Variants in CENPK observed in about 807,000 individuals in gnomAD.
The protein encoded by CENPK is centromere protein K.
A neutral mutation model predicts 40.9 loss-of-function variants in CENPK; 46 were observed. The observed-to-expected ratio is 1.13, with a 90% CI of 0.89 to 1.44. CENPK has a LOEUF of 1.44. CENPK is among the 40% of genes most tolerant of loss of function. The probability of loss-of-function intolerance (pLI) is 0.00; values close to 1 mark genes in which losing one functional copy is unlikely to be tolerated. For synonymous variants in CENPK, 107 were observed against 104.4 expected, an observed-to-expected ratio of 1.02 and a Z score of -0.15; for missense variants, 288 against 303.5, an observed-to-expected ratio of 0.95 and a Z score of 0.38.
the CENPK span, among the ~76,000 whole-genome samples, chr5:65,508,900 AC>A: frequency 1.3e-5 from 2 of 152,166 alleles, no homozygotes. Flanking sequence ...TATGAAAGAA[AC>A]CATTAATAAA....
At chr5:65,521,693 C>A (rs565305778) in intron 9 of CENPK, among the ~76,000 whole-genome samples, 165 bp from the exon 10 acceptor site, 1 of 152,108 alleles carries the variant, frequency 6.6e-6, no homozygotes, top group Non-Finnish European at 1.5e-5. Flanking sequence ...CTCCGCCTCC[C>A]GGATTCAAGT....
Position 65,529,189 on chromosome 5 carries a change from A to C in CENPK, c.299T>G (p.Leu100Arg). The change falls in exon 7 of 11, where the codon CTG (leucine) becomes CGG (arginine). Residue 100 changes from leucine to arginine, a missense_variant. Physicochemically the swap from Leu to Arg is moderately radical, Grantham distance 102. Coordinates refer to ENST00000396679, the MANE Select transcript of CENPK (RefSeq NM_022145.5). ...ITLGKEEFQK[L>R]RQDLEMVLST... ...CAGTACCATTTCAAGATCTTGTCTCAGCTTTTGGAACTAGAATAAAATAAT... is the reference window on the plus strand; with the variant it reads ...CAGTACCATTTCAAGATCTTGTCTCCGCTTTTGGAACTAGAATAAAATAAT... 1 of 1,602,942 alleles carries C rather than the reference A, an allele frequency of 6.2e-7. No homozygotes were observed. The highest frequency in any genetic ancestry group is 8.5e-7 in the Non-Finnish European group (1 of 1,172,648).
At chr5:65,505,105 A>G in the CENPK span, among the ~76,000 whole-genome samples, 1 of 151,556 alleles carries the variant, frequency 6.6e-6, no homozygotes, top group Non-Finnish European at 1.5e-5. Flanking sequence ...TTTTTTTTTT[A>G]ATTTTTATTT....
the CENPK span, among the ~76,000 whole-genome samples, chr5:65,497,173 G>A: frequency 1.3e-5 from 2 of 152,068 alleles, no homozygotes; most frequent in African/African-American, 4.8e-5. Flanking sequence ...TTCAAGACCA[G>A]CCTGGCAAAC....
intron 1 of CENPK, 24 bp downstream of exon 1, chr5:65,563,074 C>A: frequency 2.2e-6 from 1 of 449,590 alleles, no homozygotes. Flanking sequence ...ACCGTTATAT[C>A]AACCTCCCCG....
intron 2 of CENPK, among the ~76,000 whole-genome samples, chr5:65,559,350 C>T (rs1751532486): frequency 1.3e-5 from 2 of 152,272 alleles, no homozygotes; most frequent in African/African-American, 4.8e-5. Flanking sequence ...CATGGAAGGG[C>T]CGGGCGCGGT....
intron 9 of CENPK, among the ~76,000 whole-genome samples, chr5:65,525,170 C>A (rs1744458700): frequency 6.6e-6 from 1 of 151,972 alleles, no homozygotes; most frequent in Admixed American, 6.6e-5. Flanking sequence ...ACCAGCCTGG[C>A]CAATATGGTA....
rs746166430 is a variant in CENPK at position 65,542,868 on chromosome 5, CAA to C, written c.242-22_242-21del. On this transcript the variant is annotated intron_variant, in intron 5 of 10. Coordinates refer to ENST00000396679, the MANE Select transcript of CENPK (RefSeq NM_022145.5). ...GAATTGCTACAAAAACAAAACAAAA[CAA>C]AGTTACACATATATTTAGTTAATTC... 3 of 1,591,676 alleles carry C rather than the reference CAA, an allele frequency of 1.9e-6. No homozygotes were observed. The highest frequency in any genetic ancestry group is 2.7e-5 in the African/African-American group (2 of 74,050).
chr5:65,557,058 C>T (rs1751105399), intron 2 of CENPK, among the ~76,000 whole-genome samples: 1 of 151,978 alleles, frequency 6.6e-6, no homozygotes, highest in African/African-American at 2.4e-5. Context: ...GAGTGTGCAG[C>T]TAGAAATGAG....
chr5:65,524,612 C>G (rs1296621238), intron 9 of CENPK: 1 of 153,618 alleles, frequency 6.5e-6, no homozygotes, highest in Admixed American at 6.6e-5. Flanking sequence ...ACCCAGGAGG[C>G]AGAGGTTGCA....
chr5:65,554,214 T>C lies in CENPK; in HGVS notation c.111+583A>G, dbSNP rs575608357. Among the ~76,000 whole-genome samples, 3 of 151,928 alleles carry C rather than the reference T, an allele frequency of 2.0e-5. No individual in the cohort carries two copies. The South Asian group carries it at 6.3e-4, about 32-fold the overall frequency. ...TGGAGTGCAGTGGCACTATCTCGGC[T>C]CACTGCAACATCCGCCTCCTGGGTT... On this transcript the variant is annotated intron_variant, in intron 3 of 10. Transcript: ENST00000396679.
At chr5:65,501,585 C>A in the CENPK span, among the ~76,000 whole-genome samples, 1 of 121,292 alleles carries the variant, frequency 8.2e-6, no homozygotes, top group Non-Finnish European at 1.8e-5. Context: ...GTTATTATAA[C>A]ACTCTAGATC....
At chr5:65,539,922 T>C (rs1235623560) in intron 6 of CENPK, among the ~76,000 whole-genome samples, 2 of 152,170 alleles carry the variant, frequency 1.3e-5, no homozygotes, top group Non-Finnish European at 2.9e-5. Context: ...ATGAACACAG[T>C]CTAAGTATAG....
intron 2 of CENPK, among the ~76,000 whole-genome samples, chr5:65,559,733 G>A (rs1751640111): frequency 2.0e-5 from 3 of 151,954 alleles, no homozygotes; most frequent in African/African-American, 7.3e-5. Context: ...CACTATTATG[G>A]CAATGTAGAA....
the CENPK span, among the ~76,000 whole-genome samples, chr5:65,501,984 A>G: frequency 1.2e-4 from 19 of 152,164 alleles, no homozygotes; most frequent in African/African-American, 4.1e-4. Flanking sequence ...GAACCACCAC[A>G]TGGCCTTCTT....
At chr5:65,495,792 C>T in the CENPK span, among the ~76,000 whole-genome samples, 1 of 152,108 alleles carries the variant, frequency 6.6e-6, no homozygotes, top group African/African-American at 2.4e-5. Flanking sequence ...TTCCATCTCA[C>T]TTATAATCCA....
chr5:65,512,488 G>C, the CENPK span, among the ~76,000 whole-genome samples: 25 of 152,190 alleles, frequency 1.6e-4, no homozygotes, highest in African/African-American at 6.0e-4. Flanking sequence ...TCAGTCAGCA[G>C]CCATTAACAC....
At chr5:65,557,736 C>T (rs946529445) in intron 2 of CENPK, among the ~76,000 whole-genome samples, 2 of 152,096 alleles carry the variant, frequency 1.3e-5, no homozygotes, top group African/African-American at 4.8e-5. Flanking sequence ...AACTCATGAG[C>T]GTAATAAATA....
chr5:65,503,737 A>C, the CENPK span, among the ~76,000 whole-genome samples: 37 of 151,140 alleles, frequency 2.4e-4, no homozygotes, highest in African/African-American at 8.3e-4. Context: ...AGCTCACTGT[A>C]ACCTCTGCCT....
Sources: allele counts gnomAD v4.1 joint callset (sites outside exome capture counted in the v4.1 genomes callset), GRCh38; gene constraint gnomAD v4.1.1; transcripts MANE v1.5; gene names NCBI Gene and HGNC (gene_info 2026-07-23, HGNC 2026-07-21).